The following PCDHA4 variants were observed in gnomAD, a reference collection of about 807,000 sequenced individuals.
PCDHA4 encodes the protein protocadherin alpha-4.
In PCDHA4, 49 loss-of-function variants were observed where a neutral mutation model predicts 61.4. The observed-to-expected ratio is 0.80, with a 90% CI of 0.63 to 1.01. The LOEUF is 1.01. Ranked by LOEUF, PCDHA4 falls within the 50% of genes least tolerant of loss-of-function variation. The probability of loss-of-function intolerance (pLI) is 0.00; values close to 1 mark genes in which losing one functional copy is unlikely to be tolerated. For synonymous variants in PCDHA4, 590 were observed against 550.3 expected (o/e 1.07, Z -1.01); for missense variants, 1,254 against 1,235.8 (o/e 1.01, Z -0.22).
intron 1 of PCDHA4, chr5:140,824,610 G>GTTGTT (rs1768193318): frequency 4.2e-5 from 4 of 95,102 alleles, no homozygotes; most frequent in African/African-American, 1.9e-4. Flanking sequence ...GCTAATTAAA[G>GTTGTT]TTTTTTTTTT....
chr5:140,928,251 C>T (rs267600404), intron 1 of PCDHA4: 5 of 1,614,204 alleles, frequency 3.1e-6, no homozygotes, highest in Non-Finnish European at 3.4e-6. Flanking sequence ...AGGAACTTTT[C>T]GTTGCTGAAA....
chr5:140,990,199 G>A (rs1308811962), intron 3 of PCDHA4, among the ~76,000 whole-genome samples: 1 of 152,132 alleles, frequency 6.6e-6, no homozygotes, highest in East Asian at 1.9e-4. Context: ...ATGTGGACCC[G>A]AAAGAGAACA....
chr5:140,883,226 G>A, intron 1 of PCDHA4: 2 of 1,613,938 alleles, frequency 1.2e-6, no homozygotes, highest in South Asian at 1.1e-5. Flanking sequence ...TGAAATATCC[G>A]TGGAGGCAGT....
At chr5:140,886,254 CTATT>C (rs1407308299) in intron 1 of PCDHA4, among the ~76,000 whole-genome samples, 1 of 151,720 alleles carries the variant, frequency 6.6e-6, no homozygotes, top group African/African-American at 2.4e-5. Context: ...AAAAGTATCT[CTATT>C]TATAGATAAA....
chr5:140,849,905 G>T (rs373526467), intron 1 of PCDHA4: 1 of 1,598,310 alleles, frequency 6.3e-7, no homozygotes, highest in Non-Finnish European at 8.6e-7. Context: ...ACAACCCGCC[G>T]GGCTGCCACA....
At chr5:140,879,347 T>C (rs530902728) in intron 1 of PCDHA4, among the ~76,000 whole-genome samples, 44 of 152,324 alleles carry the variant, frequency 2.9e-4, no homozygotes, top group African/African-American at 1.0e-3. Context: ...GCTGAGAAGA[T>C]GACATTGCCA....
intron 1 of PCDHA4, among the ~76,000 whole-genome samples, chr5:140,855,023 G>A (rs115040572): frequency 1.3e-5 from 2 of 149,492 alleles, no homozygotes; most frequent in South Asian, 2.1e-4. Flanking sequence ...GAAACTTCTT[G>A]TATAAAGGAT....
intron 1 of PCDHA4, among the ~76,000 whole-genome samples, chr5:140,974,018 T>C (rs2096611642): frequency 1.3e-5 from 2 of 152,222 alleles, no homozygotes; most frequent in Non-Finnish European, 1.5e-5. Context: ...CATGTGATAA[T>C]ACAACTATAA....
intron 1 of PCDHA4, chr5:140,927,289 A>G: frequency 6.2e-7 from 1 of 1,614,172 alleles, no homozygotes; most frequent in Non-Finnish European, 8.5e-7. Flanking sequence ...GCAGCTGCAC[A>G]TCCCCGAGTT....
chr5:140,853,419 G>A lies in PCDHA4; in HGVS notation c.2385+43847G>A, dbSNP rs2150531537. The A allele has an allele frequency of 1.0e-5, 10 of 986,026 alleles. No individual in the cohort carries two copies. The East Asian group carries it at 1.1e-3, about 112-fold the overall frequency. 61.1% of individuals were successfully genotyped at this position (986,026 alleles called of 1,614,324 possible). On this transcript the variant is annotated intron_variant, in intron 1 of 3. Coordinates refer to ENST00000530339, the MANE Select transcript of PCDHA4 (RefSeq NM_018907.4). ...AGTTCAAAACAGAGAGGTGAAAGCA[G>A]AAGAGACACTTTCCTATTTTGCCTA... is the stretch of plus-strand genomic sequence containing the variant.
chr5:140,984,505 TGATGCATGAGTCACA>T (rs2097106604), intron 3 of PCDHA4, among the ~76,000 whole-genome samples: 1 of 152,206 alleles, frequency 6.6e-6, no homozygotes, highest in African/African-American at 2.4e-5. Context: ...GCCTGGCTGC[TGATGCATGAGTCACA>T]GTCTTCATGG....
chr5:140,959,876 G>A (rs1335764869), intron 1 of PCDHA4, among the ~76,000 whole-genome samples: 1 of 152,134 alleles, frequency 6.6e-6, no homozygotes. Context: ...ATCTGTCAAG[G>A]AATACACGAG....
At chr5:140,822,513 T>A (rs563348993) in intron 1 of PCDHA4, 1 of 1,613,844 alleles carries the variant, frequency 6.2e-7, no homozygotes, top group Non-Finnish European at 8.5e-7. Context: ...AATCCATTTA[T>A]AATGTCAGAT....
intron 1 of PCDHA4, among the ~76,000 whole-genome samples, chr5:140,965,126 A>C (rs540121719): frequency 7.9e-5 from 12 of 152,372 alleles, no homozygotes; most frequent in African/African-American, 2.6e-4. Flanking sequence ...GAAGATCTAC[A>C]GATGACAGAA....
intron 1 of PCDHA4, among the ~76,000 whole-genome samples, chr5:140,899,683 T>A (rs1554188699): frequency 6.6e-6 from 1 of 152,222 alleles, no homozygotes; most frequent in African/African-American, 2.4e-5. Flanking sequence ...ATCAGGATGA[T>A]GCTGGCCTCA....
chr5:140,851,482 A>G lies in PCDHA4; in HGVS notation c.2385+41910A>G, dbSNP rs920921115. ...AATTATGTCAATAAATGTTATAAAC[A>G]CAGCCTTCATTTCAACTTATATAAA... On this transcript the variant is annotated intron_variant, in intron 1 of 3. Coordinates refer to ENST00000530339, the MANE Select transcript of PCDHA4 (RefSeq NM_018907.4). 35 of 893,414 alleles carry G rather than the reference A, an allele frequency of 3.9e-5. 3 individuals carry two copies. The highest frequency in any genetic ancestry group is 4.2e-5 in the Non-Finnish European group (31 of 732,620). The allele number at this position is 893,414 out of a possible 1,614,324, so 55.3% of individuals were successfully genotyped here. A position where few individuals can be genotyped will look rare whatever the true frequency, so the allele number is the denominator to read the frequency against.
chr5:140,947,975 A>C lies in PCDHA4; in HGVS notation c.2386-30974A>C, dbSNP rs572156919. ...TTTTACAATTAAGTATGTGCTACTC[A>C]TAGGTTTTTCCCAAATACTTTATTA... On this transcript the variant is annotated intron_variant, in intron 1 of 3. Transcript: ENST00000530339. Among the ~76,000 whole-genome samples the C allele has an allele frequency of 2.7e-5, 4 of 150,726 alleles. No individual in the cohort carries two copies. In the East Asian group the frequency reaches 7.8e-4, roughly 29 times the overall value.
chr5:140,838,562 T>C (rs893171521), intron 1 of PCDHA4, among the ~76,000 whole-genome samples: 4 of 152,018 alleles, frequency 2.6e-5, no homozygotes, highest in Non-Finnish European at 5.9e-5. Flanking sequence ...CATCCAGTAC[T>C]GTATTAGGGA....
intron 1 of PCDHA4, among the ~76,000 whole-genome samples, chr5:140,920,549 G>A (rs957534849): frequency 2.6e-5 from 4 of 152,120 alleles, no homozygotes; most frequent in Non-Finnish European, 5.9e-5. Flanking sequence ...TTTCACCTTC[G>A]AAGTGTGGCC....
Sources: gnomAD v4.1 joint callset for allele counts (sites outside exome capture counted in the v4.1 genomes callset) on GRCh38, gnomAD v4.1.1 for gene constraint, MANE v1.5 for transcripts, NCBI Gene and HGNC (gene_info 2026-07-23, HGNC 2026-07-21) for gene names.